Variants in TGM3 observed in about 807,000 individuals in gnomAD.
TGM3 encodes the protein transglutaminase 3.
In TGM3, 52 loss-of-function variants were observed where a neutral mutation model predicts 73.8. The observed-to-expected ratio is 0.70, with a 90% CI of 0.56 to 0.89. The LOEUF (loss-of-function observed/expected upper bound fraction) is 0.89, where lower values mean the gene tolerates loss of function less well. Ranked by LOEUF, TGM3 falls within the 40% of genes least tolerant of loss-of-function variation. The pLI, the probability that TGM3 is intolerant of heterozygous loss-of-function variation, is 0.00. For missense variants in TGM3, 928 were observed against 909.9 expected (o/e 1.02, Z -0.26); for synonymous variants, 372 against 354.9 (o/e 1.05, Z -0.54).
chr20:2,330,423 A>C (rs2084313869), intron 9 of TGM3, among the ~76,000 whole-genome samples: 2 of 152,212 alleles, frequency 1.3e-5, no homozygotes, highest in Non-Finnish European at 2.9e-5. Flanking sequence ...GGAAGGCATC[A>C]AAAGGAACCC....
intron 3 of TGM3, among the ~76,000 whole-genome samples, chr20:2,310,793 G>T (rs545235272): frequency 7.9e-5 from 12 of 152,264 alleles, no homozygotes; most frequent in African/African-American, 2.6e-4. Context: ...TATCCCTGGG[G>T]TCTCATTTTC....
At chr20:2,318,201 T>G (rs1322510209) in intron 7 of TGM3, among the ~76,000 whole-genome samples, 1 of 152,076 alleles carries the variant, frequency 6.6e-6, no homozygotes, top group Non-Finnish European at 1.5e-5. Context: ...TGTATTTTAG[T>G]AGAGACAGGC....
Position 2,332,276 on chromosome 20 carries a change from G to A in TGM3, c.1608G>A (p.Lys536=). 6.2e-7 allele frequency: 1 copy of A among 1,610,950 alleles called. No individual in the cohort carries two copies. The highest frequency in any genetic ancestry group is 8.5e-7 in the Non-Finnish European group (1 of 1,178,080). ...YNGTLVHEVW[K]DSATMSLDPE... The stretch of plus-strand genomic sequence containing the variant: ...GCACGCTTGTACATGAAGTGTGGAA[G>A]GACTCTGCCACAATGTCCCTGGACC... The change falls in exon 10 of 13, where the codon AAG becomes AAA. Residue 536 remains lysine, a synonymous_variant. Coordinates refer to ENST00000381458, the MANE Select transcript of TGM3 (RefSeq NM_003245.4). This position sits in a 1 kb window ranked among gnomAD's most constrained non-coding sequence, Gnocchi z 4.4.
rs2084335008 is a variant in TGM3 at position 2,334,121 on chromosome 20, A to C, written c.1643-995A>C. ...AAAGGGCCCCGCGGCCCACAGGGTC[A>C]GAAGAGAGGACTTAAAGCGTGGGGA... On this transcript the variant is annotated intron_variant, in intron 10 of 12. Transcript: ENST00000381458. The surrounding 1 kb of genome is among the most constrained non-coding windows in gnomAD (Gnocchi z 4.0). Among the ~76,000 whole-genome samples, 1 of 152,142 alleles carries C rather than the reference A, an allele frequency of 6.6e-6. No individual in the cohort carries two copies.
chr20:2,298,709 T>G (rs2084125074), intron 1 of TGM3, among the ~76,000 whole-genome samples: 1 of 152,184 alleles, frequency 6.6e-6, no homozygotes, highest in Non-Finnish European at 1.5e-5. Flanking sequence ...GGTCAGGAAT[T>G]GCTCTTGGGT....
At chr20:2,302,927 A>G (rs214786) in intron 1 of TGM3, among the ~76,000 whole-genome samples, 131,743 of 152,070 alleles carry the variant, frequency 0.87, 59,321 homozygotes, top group East Asian at 1. Flanking sequence ...ACATGACCGA[A>G]CCTTGAAAAC....
At chr20:2,301,558 T>G (rs2084148097) in intron 1 of TGM3, among the ~76,000 whole-genome samples, 1 of 149,532 alleles carries the variant, frequency 6.7e-6, no homozygotes, top group Non-Finnish European at 1.5e-5. Flanking sequence ...GAAGAGAAAA[T>G]ATCAGAGTAT....
intron 11 of TGM3, among the ~76,000 whole-genome samples, chr20:2,336,281 G>C (rs989662073): frequency 6.6e-6 from 1 of 152,158 alleles, no homozygotes; most frequent in Non-Finnish European, 1.5e-5. Context: ...AGGGTAAAAG[G>C]CTGGACAAGG....
At chr20:2,340,040 G>T in intron 12 of TGM3, 53 bp downstream of exon 12, 1 of 944,846 alleles carries the variant, frequency 1.1e-6, no homozygotes, top group East Asian at 3.3e-5. Flanking sequence ...GGGCGGGGGG[G>T]CCCTCCAGAT....
intron 1 of TGM3, among the ~76,000 whole-genome samples, chr20:2,308,833 G>A (rs536894200): frequency 1.3e-5 from 2 of 151,068 alleles, no homozygotes; most frequent in Non-Finnish European, 2.9e-5. Context: ...CAACAAAGAA[G>A]CCAAACCACG....
chr20:2,306,966 G>A (rs1392843439), intron 1 of TGM3, among the ~76,000 whole-genome samples: 1 of 152,036 alleles, frequency 6.6e-6, no homozygotes, highest in East Asian at 1.9e-4. Context: ...CTGAGTTCTG[G>A]GCTGTCTCTG....
chr20:2,298,950 T>G (rs1334801564), intron 1 of TGM3, among the ~76,000 whole-genome samples: 1 of 152,040 alleles, frequency 6.6e-6, no homozygotes, highest in Non-Finnish European at 1.5e-5. Context: ...CAGCGGCTAC[T>G]CCCTGTTCCT....
intron 7 of TGM3, among the ~76,000 whole-genome samples, chr20:2,325,110 G>A (rs1415295449): frequency 6.6e-6 from 1 of 152,094 alleles, no homozygotes; most frequent in Non-Finnish European, 1.5e-5. Flanking sequence ...ACGTTGACTA[G>A]AACTTGGATT....
At chr20:2,308,704 G>A (rs1466906867) in intron 1 of TGM3, among the ~76,000 whole-genome samples, 1 of 152,184 alleles carries the variant, frequency 6.6e-6, no homozygotes, top group Non-Finnish European at 1.5e-5. Flanking sequence ...CCTAGCATCA[G>A]AGGCCCAGGC....
At chr20:2,325,226 A>G (rs45592035) in intron 7 of TGM3, among the ~76,000 whole-genome samples, 3,338 of 152,220 alleles carry the variant, frequency 0.022, 51 homozygotes, top group Non-Finnish European at 0.034. Flanking sequence ...GAATTGGGGG[A>G]CAGAATGAGT....
At chr20:2,320,762 G>A (rs1304330682) in intron 7 of TGM3, among the ~76,000 whole-genome samples, 1 of 152,164 alleles carries the variant, frequency 6.6e-6, no homozygotes, top group Non-Finnish European at 1.5e-5. Flanking sequence ...CGGGTCCACT[G>A]CAAAGGAAGT....
chr20:2,308,988 C>A (rs1222166631), intron 1 of TGM3, among the ~76,000 whole-genome samples: 2 of 151,984 alleles, frequency 1.3e-5, no homozygotes, highest in Non-Finnish European at 2.9e-5. Flanking sequence ...AGTGATTCTC[C>A]TGCCTCACCC....
rs1027531420 is a variant in TGM3, at chr20:2,334,795, AT to A, written c.1643-317del. On this transcript the variant is annotated intron_variant, in intron 10 of 12. Transcript: ENST00000381458. The surrounding 1 kb of genome is among the most constrained non-coding windows in gnomAD (Gnocchi z 4.0). Reference sequence around the variant, plus strand: ...CCCATCTCTACAAATAATTTAAAAAATTTTAAAAAAAAAGGACACTTGCCCT... The same window carrying A: ...CCCATCTCTACAAATAATTTAAAAAATTTAAAAAAAAAGGACACTTGCCCT... Among the ~76,000 whole-genome samples, 1 of 152,182 alleles carries A rather than the reference AT, an allele frequency of 6.6e-6. No individual in the cohort carries two copies. Among genetic ancestry groups the A allele is most frequent in the African/African-American group, 2.4e-5 (1 of 41,438 alleles).
At chr20:2,300,873 C>T (rs2084142561) in intron 1 of TGM3, among the ~76,000 whole-genome samples, 1 of 152,058 alleles carries the variant, frequency 6.6e-6, no homozygotes, top group Non-Finnish European at 1.5e-5. Context: ...GTATTAGTTT[C>T]CCCCAATCTC....
Sources: allele counts gnomAD v4.1 joint callset (sites outside exome capture counted in the v4.1 genomes callset), GRCh38; gene constraint gnomAD v4.1.1; non-coding constraint Gnocchi (gnomAD v3.1); transcripts MANE v1.5; gene names NCBI Gene and HGNC (gene_info 2026-07-23, HGNC 2026-07-21).